SPSB1: variants seen among roughly 807,000 people sequenced by gnomAD.
SPSB1 encodes the protein splA/ryanodine receptor domain and SOCS box containing 1.
SPSB1 carries 8 observed loss-of-function variants against 21.2 expected under a neutral mutation model. That is an observed-to-expected ratio of 0.38 (90% CI 0.22 to 0.68). The LOEUF (loss-of-function observed/expected upper bound fraction) is 0.68, where lower values mean the gene tolerates loss of function less well. SPSB1 is among the 30% of genes least tolerant of loss of function. The pLI, the probability that SPSB1 is intolerant of heterozygous loss-of-function variation, is 0.53. For missense variants in SPSB1, 242 were observed against 377.8 expected (o/e 0.64, Z 2.98); for synonymous variants, 169 against 161.7 (o/e 1.05, Z -0.34).
rs559803680 is a variant in SPSB1, at chr1:9,324,921, G to T, written c.-149-30822G>T. 1.9e-3 allele frequency among the ~76,000 whole-genome samples: 282 copies of T among 152,336 alleles called. No individual in the cohort carries two copies. The highest frequency in any genetic ancestry group is 5.9e-3 in the African/African-American group (247 of 41,574). On this transcript the variant is annotated intron_variant, in intron 1 of 2. Coordinates refer to ENST00000328089, the MANE Select transcript of SPSB1 (RefSeq NM_025106.4). This position sits in a 1 kb window ranked among gnomAD's most constrained non-coding sequence, Gnocchi z 4.3. ...GCTTTCTTGGAAAAGCGAGTGGGGT[G>T]GGGGAGCAGGGACACCCGGCCTGGC...
intron 1 of SPSB1, among the ~76,000 whole-genome samples, chr1:9,300,410 C>G (rs1337724639): frequency 1.3e-5 from 2 of 152,334 alleles, no homozygotes; most frequent in East Asian, 3.9e-4. Context: ...CTTGGGCCAC[C>G]AGCAGATCCA....
chr1:9,345,206 C>T lies in SPSB1; in HGVS notation c.-149-10537C>T, dbSNP rs891770267. 2.0e-5 allele frequency among the ~76,000 whole-genome samples: 3 copies of T among 152,168 alleles called. No homozygotes were observed. Among genetic ancestry groups the T allele is most frequent in the African/African-American group, 7.2e-5 (3 of 41,418 alleles). On this transcript the variant is annotated intron_variant, in intron 1 of 2. Coordinates refer to ENST00000328089, the MANE Select transcript of SPSB1 (RefSeq NM_025106.4). The surrounding 1 kb of genome is among the most constrained non-coding windows in gnomAD (Gnocchi z 4.8). ...CCTGATCCACCCTGCCTCAAGCCCCCGTCTCCTGCCTTCTGGGGAGCTGCT... is the reference window on the plus strand; with the variant it reads ...CCTGATCCACCCTGCCTCAAGCCCCTGTCTCCTGCCTTCTGGGGAGCTGCT...
intron 1 of SPSB1, among the ~76,000 whole-genome samples, chr1:9,336,805 G>A (rs188275439): frequency 5.6e-4 from 85 of 152,286 alleles, no homozygotes; most frequent in African/African-American, 2.0e-3. Context: ...ACTGCTCCCT[G>A]GAAAGAGGGG....
At chr1:9,350,175 C>T (rs929447889) in intron 1 of SPSB1, among the ~76,000 whole-genome samples, 3 of 152,234 alleles carry the variant, frequency 2.0e-5, no homozygotes, top group African/African-American at 7.2e-5. Flanking sequence ...AATACCCTCA[C>T]GGCATTTATG....
At chr1:9,350,229 T>C (rs540799409) in intron 1 of SPSB1, among the ~76,000 whole-genome samples, 108 of 152,354 alleles carry the variant, frequency 7.1e-4, no homozygotes, top group African/African-American at 2.5e-3. Flanking sequence ...GCACCAGACA[T>C]TGGACCCCTG....
chr1:9,367,703 C>T lies in SPSB1; in HGVS notation c.*128C>T. 1 of 1,376,784 alleles carries T rather than the reference C, an allele frequency of 7.3e-7. No individual in the cohort carries two copies. Among genetic ancestry groups the T allele is most frequent in the Non-Finnish European group, 9.6e-7 (1 of 1,041,014 alleles). 85.3% of individuals were successfully genotyped at this position (1,376,784 alleles called of 1,614,324 possible). On this transcript the variant is annotated 3_prime_UTR_variant, in exon 3 of 3. Coordinates refer to ENST00000328089, the MANE Select transcript of SPSB1 (RefSeq NM_025106.4). This position sits in a 1 kb window ranked among gnomAD's most constrained non-coding sequence, Gnocchi z 5.9. ...GCCATGGACAGAGGTCCCTGGTCTT[C>T]CCTCATCCTCCGTGGCTGCCTCCAT... is the stretch of plus-strand genomic sequence containing the variant.
chr1:9,320,665 C>A (rs868211219), intron 1 of SPSB1, among the ~76,000 whole-genome samples: 1 of 152,206 alleles, frequency 6.6e-6, no homozygotes, highest in Non-Finnish European at 1.5e-5. Flanking sequence ...TGATCATTTT[C>A]TAGACATTGC....
At chr1:9,334,448 T>C (rs151089438) in intron 1 of SPSB1, among the ~76,000 whole-genome samples, 3,222 of 152,306 alleles carry the variant, frequency 0.021, 82 homozygotes, top group African/African-American at 0.068. Context: ...CTCGAACTTC[T>C]GGCCTCAAGT....
At chr1:9,364,160 C>A (rs1364857398) in intron 2 of SPSB1, among the ~76,000 whole-genome samples, 1 of 152,224 alleles carries the variant, frequency 6.6e-6, no homozygotes, top group East Asian at 1.9e-4. Context: ...GAGGGAGAGC[C>A]CCTCCACTTT....
Position 9,355,939 on chromosome 1 carries a change from C to T in SPSB1, c.48C>T (p.Asp16=). ...GGATCAAGACTGTGGACATGAGGGA[C>T]CCCACGTACAGGCCCCTGAAGCAGG... The part of the protein sequence containing the change: ...TGGIKTVDMR[D]PTYRPLKQEL... The change falls in exon 2 of 3, where the codon GAC becomes GAT. Residue 16 remains aspartate (D), a synonymous_variant. Transcript: ENST00000328089. 1 of 1,610,556 alleles carries T rather than the reference C, an allele frequency of 6.2e-7. No individual in the cohort carries two copies. The highest frequency in any genetic ancestry group is 8.5e-7 in the Non-Finnish European group (1 of 1,178,094).
intron 1 of SPSB1, among the ~76,000 whole-genome samples, chr1:9,325,562 AACAG>A (rs1353120156): frequency 6.6e-6 from 1 of 151,266 alleles, no homozygotes; most frequent in Non-Finnish European, 1.5e-5. Flanking sequence ...GGCACCGTGG[AACAG>A]ACAGTCACTC....
chr1:9,331,335 T>TG lies in SPSB1; in HGVS notation c.-149-24408_-149-24407insG, dbSNP rs1639915904. Among the ~76,000 whole-genome samples, 5 of 143,048 alleles carry TG rather than the reference T, an allele frequency of 3.5e-5. No individual in the cohort carries two copies. The Admixed American group carries it at 3.5e-4, about 10-fold the overall frequency. The allele number at this position is 143,048 out of a possible 152,430, so 93.8% of individuals were successfully genotyped here. A position where few individuals can be genotyped will look rare whatever the true frequency, so the allele number is the denominator to read the frequency against. ...CTGGTGCTCTTGTTTTTTTTTTTTT[T>TG]TTTTTTTTTTTTGAGGTGGAGTTTC... On this transcript the variant is annotated intron_variant, in intron 1 of 2. Coordinates refer to ENST00000328089, the MANE Select transcript of SPSB1 (RefSeq NM_025106.4).
intron 1 of SPSB1, among the ~76,000 whole-genome samples, chr1:9,343,796 A>AT (rs71580082): frequency 0.12 from 18,620 of 151,074 alleles, 1,564 homozygotes; most frequent in South Asian, 0.32. Context: ...TTTGTTTTTT[A>AT]TTTTTTTGAG....
chr1:9,360,534 C>T (rs1260120689), intron 2 of SPSB1, among the ~76,000 whole-genome samples: 3 of 152,140 alleles, frequency 2.0e-5, no homozygotes, highest in East Asian at 1.9e-4. Context: ...GTAGCGGGCT[C>T]GACTGCCTCC....
Position 9,317,498 on chromosome 1 carries a change from T to C in SPSB1, c.-150+24427T>C, listed in dbSNP as rs1483147754. Among the ~76,000 whole-genome samples the C allele has an allele frequency of 6.6e-6, 1 of 152,074 alleles. No individual in the cohort carries two copies. The highest frequency in any genetic ancestry group is 1.5e-5 in the Non-Finnish European group (1 of 68,020). On this transcript the variant is annotated intron_variant, in intron 1 of 2. Transcript: ENST00000328089. This position sits in a 1 kb window ranked among gnomAD's most constrained non-coding sequence, Gnocchi z 4.3. ...AACAGACAGGTTTTTTGTCGTTTGTTTTTGAGACAGAGTCTTGCTTTGTCA... is the reference window on the plus strand; with the variant it reads ...AACAGACAGGTTTTTTGTCGTTTGTCTTTGAGACAGAGTCTTGCTTTGTCA...
intron 2 of SPSB1, among the ~76,000 whole-genome samples, chr1:9,357,959 G>C (rs1228571066): frequency 6.6e-6 from 1 of 152,192 alleles, no homozygotes; most frequent in African/African-American, 2.4e-5. Context: ...TGTCCTTAAA[G>C]GGCAGGTTCA....
chr1:9,301,570 C>T (rs551618444), intron 1 of SPSB1, among the ~76,000 whole-genome samples: 64 of 152,138 alleles, frequency 4.2e-4, no homozygotes, highest in South Asian at 6.2e-4. Context: ...ACGGATAGAC[C>T]TCCCGAGTGC....
chr1:9,322,670 G>GT (rs1639739232), intron 1 of SPSB1, among the ~76,000 whole-genome samples: 1 of 152,174 alleles, frequency 6.6e-6, no homozygotes, highest in African/African-American at 2.4e-5. Context: ...GGGAGGCCAG[G>GT]ACCACCTGCA....
chr1:9,343,592 A>T (rs1640124485), intron 1 of SPSB1, among the ~76,000 whole-genome samples: 1 of 152,230 alleles, frequency 6.6e-6, no homozygotes, highest in African/African-American at 2.4e-5. Context: ...CAGGGAATTC[A>T]TAAGCTCATC....
Sources: gnomAD v4.1 joint callset for allele counts (sites outside exome capture counted in the v4.1 genomes callset) on GRCh38, gnomAD v4.1.1 for gene constraint, Gnocchi (gnomAD v3.1) non-coding constraint, MANE v1.5 for transcripts, NCBI Gene and HGNC (gene_info 2026-07-23, HGNC 2026-07-21) for gene names.